Variants in TBCD observed in about 807,000 individuals in gnomAD.
TBCD encodes tubulin-specific chaperone D.
Under a neutral mutation model 169.3 loss-of-function variants are expected in TBCD, and 105 were observed. That is an observed-to-expected ratio of 0.62 (90% CI 0.53 to 0.73). The LOEUF is 0.73. Ranked by LOEUF, TBCD falls within the 30% of genes least tolerant of loss-of-function variation. The pLI is 0.00. For missense variants in TBCD, 1,444 were observed against 1,600.1 expected, an observed-to-expected ratio of 0.90 and a Z score of 1.66; for synonymous variants, 700 against 643.9, an observed-to-expected ratio of 1.09 and a Z score of -1.32.
In TBCD at chr17:82,806,882, C is replaced by A. The variant is rs764651910; in HGVS notation, c.1088-726C>A. Among the ~76,000 whole-genome samples, 2 of 152,192 alleles carry A rather than the reference C, an allele frequency of 1.3e-5. No homozygotes were observed. Among genetic ancestry groups the A allele is most frequent in the Non-Finnish European group, 2.9e-5 (2 of 68,038 alleles). ...GGTAGGCGCCCGCATCTGTGCTGGG[C>A]GGCTCTGAGTCCCGGGCGGGGCCCT... On this transcript the variant is annotated intron_variant, in intron 10 of 38. Transcript: ENST00000355528. The surrounding 1 kb of genome is among the most constrained non-coding windows in gnomAD (Gnocchi z 5.1).
chr17:82,817,587 G>C (rs145105535), intron 13 of TBCD, among the ~76,000 whole-genome samples: 1 of 152,292 alleles, frequency 6.6e-6, no homozygotes, highest in East Asian at 1.9e-4. Flanking sequence ...GTGAGCTACT[G>C]CACCTGGCCT....
chr17:82,812,976 A>G (rs1173338383), intron 12 of TBCD, among the ~76,000 whole-genome samples: 1 of 152,012 alleles, frequency 6.6e-6, no homozygotes, highest in African/African-American at 2.4e-5. Context: ...GCAGCACCAC[A>G]CCTGGCTAAT....
chr17:82,800,804 G>A, intron 8 of TBCD, 60 bp from the exon 9 acceptor site: 2 of 1,559,218 alleles, frequency 1.3e-6, no homozygotes, highest in Non-Finnish European at 1.7e-6. Flanking sequence ...GGGGACACAG[G>A]TGGTGCAGTC....
rs2062000172 is a variant in TBCD, at chr17:82,929,169, T to G, written c.2750T>G (p.Phe917Cys). The stretch of plus-strand genomic sequence containing the variant: ...CAGGCCAGTGAGAAGATTGACCGTT[T>G]CCGTGCTCACGCCGCCAGCGTGTTC... ...AQQASEKIDR[F>C]RAHAASVFLT... The change falls in exon 31 of 39, where the codon TTC becomes TGC. Residue 917 changes from phenylalanine to cysteine, a missense_variant. Coordinates refer to ENST00000355528, the MANE Select transcript of TBCD (RefSeq NM_005993.5). The G allele has an allele frequency of 6.2e-7, 1 of 1,613,612 alleles. No homozygotes were observed.
intron 13 of TBCD, among the ~76,000 whole-genome samples, chr17:82,816,011 G>A (rs759467848): frequency 1.8e-4 from 28 of 152,092 alleles, no homozygotes; most frequent in African/African-American, 5.5e-4. Flanking sequence ...TTTAATTTCC[G>A]AACATTTTCA....
rs1211961475 is a variant in TBCD, at chr17:82,917,019, CTTTT to C, written c.2039-3536_2039-3533del. 9.2e-5 allele frequency among the ~76,000 whole-genome samples: 10 copies of C among 108,500 alleles called. No individual in the cohort carries two copies. The East Asian group carries it at 2.3e-3, about 25-fold the overall frequency. 71.2% of individuals were successfully genotyped at this position (108,500 alleles called of 152,430 possible). On this transcript the variant is annotated intron_variant, in intron 23 of 38. Transcript: ENST00000355528. ...CAGTTTGGACTTTTTTTTTTCTTTT[CTTTT>C]CTTTTTTTTTTTTTTGAGTTGGAGT...
At chr17:82,799,758 C>T (rs1208419745) in intron 8 of TBCD, among the ~76,000 whole-genome samples, 4 of 152,222 alleles carry the variant, frequency 2.6e-5, no homozygotes, top group Non-Finnish European at 5.9e-5. Context: ...GCGGGAGGAG[C>T]GTCCTTGGTG....
At chr17:82,906,643 C>A (rs1480878369) in intron 20 of TBCD, among the ~76,000 whole-genome samples, 3 of 152,230 alleles carry the variant, frequency 2.0e-5, no homozygotes, top group Admixed American at 6.5e-5. Flanking sequence ...CCCGGACTTA[C>A]CATAGTGACG....
At chr17:82,900,236 G>C (rs1382494936) in intron 17 of TBCD, among the ~76,000 whole-genome samples, 1 of 152,210 alleles carries the variant, frequency 6.6e-6, no homozygotes, top group African/African-American at 2.4e-5. Flanking sequence ...GCCTCTGTGG[G>C]TGTAGATGAG....
At chr17:82,775,741 T>G (rs1598434653) in intron 6 of TBCD, among the ~76,000 whole-genome samples, 1 of 66,196 alleles carries the variant, frequency 1.5e-5, no homozygotes, top group Non-Finnish European at 2.7e-5. Flanking sequence ...GGGACTGTTG[T>G]GGGGTGGGGG....
At chr17:82,823,307 G>T (rs2052564252) in intron 13 of TBCD, among the ~76,000 whole-genome samples, 1 of 152,208 alleles carries the variant, frequency 6.6e-6, no homozygotes, top group African/African-American at 2.4e-5. Flanking sequence ...CCTGGGAGAG[G>T]TTGGGTCTGA....
At chr17:82,929,696 G>A in intron 32 of TBCD, 196 bp downstream of exon 32, 1 of 766,496 alleles carries the variant, frequency 1.3e-6, no homozygotes. Context: ...TGGGATGGTT[G>A]AGTCTGATGA....
chr17:82,935,960 A>G (rs188123932), intron 34 of TBCD, among the ~76,000 whole-genome samples: 14 of 152,344 alleles, frequency 9.2e-5, no homozygotes, highest in Admixed American at 7.8e-4. Flanking sequence ...CAGAGGGTAT[A>G]TAGAATTCAG....
Position 82,889,208 on chromosome 17 carries a change from C to A in TBCD, c.1534-460C>A, listed in dbSNP as rs775058770. Among the ~76,000 whole-genome samples the A allele has an allele frequency of 6.6e-6, 1 of 152,174 alleles. No homozygotes were observed. The highest frequency in any genetic ancestry group is 1.5e-5 in the Non-Finnish European group (1 of 68,032). ...CCTTGCTCTGGGCCTGTGCCCGGCC[C>A]TGGGACTCGGCCTGGAGAGCCTATT... On this transcript the variant is annotated intron_variant, in intron 15 of 38. Transcript: ENST00000355528. This position sits in a 1 kb window ranked among gnomAD's most constrained non-coding sequence, Gnocchi z 5.3.
chr17:82,752,113 C>T lies in TBCD; in HGVS notation c.-81C>T, dbSNP rs536782567. On this transcript the variant is annotated 5_prime_UTR_variant, in exon 1 of 39. Transcript: ENST00000355528. ...CGGGCGCCTCCTTTTCATCCCTCAT[C>T]CTTCATCCCTGGCTTTCGCGCTCTA... is the stretch of plus-strand genomic sequence containing the variant. 2,262 of 1,378,230 alleles carry T rather than the reference C, an allele frequency of 1.6e-3. 3 individuals carry two copies. The highest frequency in any genetic ancestry group is 2.0e-3 in the Non-Finnish European group (2,123 of 1,061,648). The allele number at this position is 1,378,230 out of a possible 1,614,324, so 85.4% of individuals were successfully genotyped here.
intron 22 of TBCD, 54 bp from the exon 23 acceptor site, chr17:82,911,704 G>A: frequency 6.4e-7 from 1 of 1,560,848 alleles, no homozygotes; most frequent in Non-Finnish European, 8.8e-7. Context: ...ATATTTCATG[G>A]TGTTTTATAC....
At chr17:82,840,957 T>C (rs1465566168) in intron 13 of TBCD, among the ~76,000 whole-genome samples, 3 of 34,030 alleles carry the variant, frequency 8.8e-5, no homozygotes, top group East Asian at 1.2e-3. Context: ...CAAACTGGTT[T>C]TTTTTTTTTT....
intron 16 of TBCD, among the ~76,000 whole-genome samples, chr17:82,892,846 T>A (rs1041406793): frequency 6.6e-6 from 1 of 152,060 alleles, no homozygotes; most frequent in African/African-American, 2.4e-5. Flanking sequence ...AACCTGAGAG[T>A]GGTATCAGTA....
Position 82,806,461 on chromosome 17 carries a change from G to T in TBCD, c.1087+450G>T, listed in dbSNP as rs749339813. On this transcript the variant is annotated intron_variant, in intron 10 of 38. Transcript: ENST00000355528. This position sits in a 1 kb window ranked among gnomAD's most constrained non-coding sequence, Gnocchi z 5.1. The stretch of plus-strand genomic sequence containing the variant: ...ATCCACTGCCCTGTTCTCCTCCTGT[G>T]GGGTCTCCTGCTGCACAGAGACAGA... Among the ~76,000 whole-genome samples, 30 of 152,022 alleles carry T rather than the reference G, an allele frequency of 2.0e-4. No individual in the cohort carries two copies. The highest frequency in any genetic ancestry group is 3.7e-4 in the Non-Finnish European group (25 of 67,986).
Sources: gnomAD v4.1 joint callset for allele counts (sites outside exome capture counted in the v4.1 genomes callset) on GRCh38, gnomAD v4.1.1 for gene constraint, Gnocchi (gnomAD v3.1) non-coding constraint, MANE v1.5 for transcripts, NCBI Gene and HGNC (gene_info 2026-07-23, HGNC 2026-07-21) for gene names.